The following DGCR8 variants were observed in gnomAD, a reference collection of about 807,000 sequenced individuals.
The protein encoded by DGCR8 is DGCR8 microprocessor complex subunit, also known as microprocessor complex subunit DGCR8.
DGCR8 carries 14 observed loss-of-function variants against 78.5 expected under a neutral mutation model. The observed-to-expected ratio is 0.18, with a 90% confidence interval of 0.12 to 0.28. The LOEUF (loss-of-function observed/expected upper bound fraction) is 0.28, where lower values mean the gene tolerates loss of function less well. Among genes scored for constraint, DGCR8 ranks in the 10% least tolerant of loss-of-function variants. DGCR8 has a pLI of 1.00. For synonymous variants in DGCR8, 399 were observed against 402.4 expected (o/e 0.99, Z 0.10); for missense variants, 702 against 1,022.5 (o/e 0.69, Z 4.28).
chr22:20,106,120 C>T, intron 9 of DGCR8, 57 bp from the exon 10 acceptor site: 2 of 1,476,960 alleles, frequency 1.4e-6, no homozygotes, highest in Admixed American at 1.7e-5. Flanking sequence ...GCAGGCCCAG[C>T]CATGAAGAGG....
intron 9 of DGCR8, chr22:20,096,369 A>G (rs1026570923): frequency 7.7e-6 from 7 of 906,228 alleles, no homozygotes; most frequent in East Asian, 1.2e-4. Context: ...AAATTTTTGT[A>G]TAAGTGGGCC....
chr22:20,109,361 C>T (rs1198789276), intron 13 of DGCR8, among the ~76,000 whole-genome samples: 2 of 152,128 alleles, frequency 1.3e-5, no homozygotes, highest in Non-Finnish European at 2.9e-5. Context: ...CCTCCTAAAG[C>T]CACCTTGGGA....
Position 20,106,252 on chromosome 22 carries a change from C to G in DGCR8, c.1864C>G (p.Gln622Glu). 1 of 1,613,816 alleles carries G rather than the reference C, an allele frequency of 6.2e-7. No individual in the cohort carries two copies. The highest frequency in any genetic ancestry group is 1.3e-5 in the African/African-American group (1 of 75,054). ...TSKAGLLSPY[Q>E]ILHECLKRNH... ...CAAGGCTGGGCTGTTGTCTCCATAT[C>G]AGATCCTCCACGAGTGCCTTAAAAG... Residue 622 changes from glutamine (Q) to glutamate (E), a missense_variant, in exon 10 of 14, where the codon CAG (glutamine) becomes GAG (glutamate). Gln to Glu is a conservative substitution (Grantham distance 29). This residue lies in a region of DGCR8 where 225 missense variants were observed against 427.7 expected (regional missense o/e 0.53). Transcript: ENST00000351989.
At position 20,090,248 on chromosome 22, in the gene DGCR8, T is replaced by C. The variant is rs752333362; in HGVS notation, c.1296T>C (p.Asp432=). The C allele has an allele frequency of 6.3e-7, 1 of 1,597,442 alleles. No homozygotes were observed. The highest frequency in any genetic ancestry group is 2.2e-5 in the East Asian group (1 of 44,776). Reference sequence around the variant, plus strand: ...AGGCCAAAGTCGAGGTGTGCAAAGATGAATCCGTTGGTGAGTTTTTGAAGG... The same window carrying C: ...AGGCCAAAGTCGAGGTGTGCAAAGACGAATCCGTTGGTGAGTTTTTGAAGG... ...QVKAKVEVCK[D]ESVDLEEFRS... The change falls in exon 5 of 14, where the codon GAT becomes GAC. Residue 432 remains aspartate (D), a synonymous_variant. Coordinates refer to ENST00000351989, the MANE Select transcript of DGCR8 (RefSeq NM_022720.7).
Position 20,106,159 on chromosome 22 carries a change from C to G in DGCR8, c.1789-18C>G, listed in dbSNP as rs773615906. On this transcript the variant is annotated intron_variant, in intron 9 of 13. Coordinates refer to ENST00000351989, the MANE Select transcript of DGCR8 (RefSeq NM_022720.7). ...GTGGGCCTGGTGGGGACTCACAAGC[C>G]TCTGCTTTGTGTTGTAGTATTTTAA... 8.7e-6 allele frequency: 14 copies of G among 1,612,260 alleles called. No homozygotes were observed. Among genetic ancestry groups the G allele is most frequent in the Non-Finnish European group, 1.2e-5 (14 of 1,178,606 alleles).
Position 20,086,767 on chromosome 22 carries a change from G to T in DGCR8, c.720+84G>T. ...AATTGCAGCATCTTTTGAAAGCAGG[G>T]AAATTAAAAAAAAAAAAAACAAAAA... On this transcript the variant is annotated intron_variant, in intron 2 of 13. Transcript: ENST00000351989. The surrounding 1 kb of genome is among the most constrained non-coding windows in gnomAD (Gnocchi z 6.4). The T allele has an allele frequency of 7.5e-6, 10 of 1,331,768 alleles. No individual in the cohort carries two copies. Among genetic ancestry groups the T allele is most frequent in the Non-Finnish European group, 9.0e-6 (9 of 998,112 alleles). 82.5% of individuals were successfully genotyped at this position (1,331,768 alleles called of 1,614,324 possible). A position where few individuals can be genotyped will look rare whatever the true frequency, so the allele number is the denominator to read the frequency against.
intron 1 of DGCR8, among the ~76,000 whole-genome samples, chr22:20,084,592 T>C (rs775095318): frequency 6.6e-6 from 1 of 152,160 alleles, no homozygotes; most frequent in Non-Finnish European, 1.5e-5. Context: ...TCTGGACCAG[T>C]CATGGCTCCA....
Position 20,089,972 on chromosome 22 carries a change from A to G in DGCR8, c.1024-4A>G, listed in dbSNP as rs757148817. ...AATCCATATTGCAATTTCACTATCC[A>G]CAGAAACACGACCCTCCTCTGAGTA... On this transcript the variant is annotated splice_polypyrimidine_tract_variant and splice_region_variant and intron_variant, in intron 4 of 13. Transcript: ENST00000351989. This position sits in a 1 kb window ranked among gnomAD's most constrained non-coding sequence, Gnocchi z 4.9. 1 of 1,603,174 alleles carries G rather than the reference A, an allele frequency of 6.2e-7. No individual in the cohort carries two copies. The highest frequency in any genetic ancestry group is 8.5e-7 in the Non-Finnish European group (1 of 1,173,348).
chr22:20,108,771 G>C (rs904157442), intron 12 of DGCR8, 119 bp from the exon 13 acceptor site: 1 of 143,978 alleles, frequency 6.9e-6, no homozygotes, highest in Admixed American at 1.8e-4. Flanking sequence ...TGGCTGTTTC[G>C]TGTCTGCCAG....
rs577807989 is a variant in DGCR8 at position 20,109,910 on chromosome 22, T to C, written c.2239-115T>C. On this transcript the variant is annotated intron_variant, in intron 13 of 13. Coordinates refer to ENST00000351989, the MANE Select transcript of DGCR8 (RefSeq NM_022720.7). ...CCTGGCATCACAAGCACTGGTGCCG[T>C]TGGGGCTCCAGGGCCTCCTGGCATG... is the stretch of plus-strand genomic sequence containing the variant. 133 of 996,264 alleles carry C rather than the reference T, an allele frequency of 1.3e-4. No individual in the cohort carries two copies. The African/African-American group carries it at 1.9e-3, about 14-fold the overall frequency. 61.7% of individuals were successfully genotyped at this position (996,264 alleles called of 1,614,324 possible). A position where few individuals can be genotyped will look rare whatever the true frequency, so the allele number is the denominator to read the frequency against.
Position 20,089,908 on chromosome 22 carries a change from G to A in DGCR8, c.1024-68G>A. On this transcript the variant is annotated intron_variant, in intron 4 of 13. Transcript: ENST00000351989. The surrounding 1 kb of genome is among the most constrained non-coding windows in gnomAD (Gnocchi z 4.9). ...GCACCGCAGCCAAGCAGAGGCCGGT[G>A]AAAGGCATCAGAGTTTCAGACTCTC... The A allele has an allele frequency of 6.3e-7, 1 of 1,587,364 alleles. No individual in the cohort carries two copies. Among genetic ancestry groups the A allele is most frequent in the Non-Finnish European group, 8.6e-7 (1 of 1,164,782 alleles).
intron 7 of DGCR8, among the ~76,000 whole-genome samples, chr22:20,092,507 C>T (rs909129406): frequency 3.3e-5 from 5 of 152,292 alleles, no homozygotes; most frequent in South Asian, 2.1e-4. Flanking sequence ...GTCCTGTGTC[C>T]GTCTTTCGTA....
Position 20,111,422 on chromosome 22 carries a change from T to C in DGCR8, c.*1314T>C, listed in dbSNP as rs2147947825. The C allele has an allele frequency of 7.5e-6, 3 of 397,494 alleles. No individual in the cohort carries two copies. The Admixed American group carries it at 1.3e-4, about 18-fold the overall frequency. The allele number at this position is 397,494 out of a possible 1,614,324, so 24.6% of individuals were successfully genotyped here. ...TGGCCTGTGGGCCGCCCACAACATA[T>C]CCTTCCCTCACTACCTGTGTGACCA... On this transcript the variant is annotated 3_prime_UTR_variant, in exon 14 of 14. Transcript: ENST00000351989.
At chr22:20,109,039 C>T (rs757213565) in intron 13 of DGCR8, 36 bp downstream of exon 13, 18 of 1,140,110 alleles carry the variant, frequency 1.6e-5, no homozygotes, top group African/African-American at 4.6e-5. Flanking sequence ...TGCCGGGCCA[C>T]GGCCATTCCT....
intron 9 of DGCR8, among the ~76,000 whole-genome samples, chr22:20,095,707 C>T (rs963685275): frequency 2.0e-5 from 3 of 152,152 alleles, no homozygotes; most frequent in Non-Finnish European, 4.4e-5. Flanking sequence ...GACTCAAGCA[C>T]ATCACATTTA....
At chr22:20,101,222 T>C in intron 9 of DGCR8, 2 of 985,390 alleles carry the variant, frequency 2.0e-6, no homozygotes, top group Non-Finnish European at 2.4e-6. Flanking sequence ...CATGCCTTGG[T>C]TTAGGGTGCC....
chr22:20,082,321 G>A (rs4819865), intron 1 of DGCR8, among the ~76,000 whole-genome samples: 62,806 of 151,596 alleles, frequency 0.41, 13,543 homozygotes, highest in East Asian at 0.67. Context: ...CAGCCTTCCA[G>A]AGCGCTGGGA....
At chr22:20,109,964 T>A (rs868441415) in intron 13 of DGCR8, 61 bp from the exon 14 acceptor site, 8 of 1,538,332 alleles carry the variant, frequency 5.2e-6, no homozygotes, top group Middle Eastern at 1.7e-4. Flanking sequence ...CCACCTTGTG[T>A]CTTCCCGAGC....
rs527248819 is a variant in DGCR8, at chr22:20,087,826, A to T, written c.880+505A>T. On this transcript the variant is annotated intron_variant, in intron 3 of 13. Coordinates refer to ENST00000351989, the MANE Select transcript of DGCR8 (RefSeq NM_022720.7). This position sits in a 1 kb window ranked among gnomAD's most constrained non-coding sequence, Gnocchi z 4.1. ...TGTGCACTTCAGCTGGGCAGGGTGG[A>T]AGTGCCCTGGTCGACGTGGCACTTC... Among the ~76,000 whole-genome samples the T allele has an allele frequency of 1.3e-5, 2 of 152,250 alleles. No homozygotes were observed. The highest frequency in any genetic ancestry group is 4.8e-5 in the African/African-American group (2 of 41,548).
Sources: allele counts gnomAD v4.1 joint callset (sites outside exome capture counted in the v4.1 genomes callset), GRCh38; gene constraint gnomAD v4.1.1; regional missense constraint gnomAD v4.1.1; non-coding constraint Gnocchi (gnomAD v3.1); transcripts MANE v1.5; gene names NCBI Gene and HGNC (gene_info 2026-07-23, HGNC 2026-07-21).